The following PPP1R12A variants were observed in gnomAD, a reference collection of about 807,000 sequenced individuals.
The protein encoded by PPP1R12A is myosin binding subunit.
A neutral mutation model predicts 139.6 loss-of-function variants in PPP1R12A; 19 were observed. The ratio of observed to expected loss-of-function variants is 0.14; its 90% confidence interval spans 0.09 to 0.20. The LOEUF (loss-of-function observed/expected upper bound fraction) is 0.20, where lower values mean the gene tolerates loss of function less well. Ranked by LOEUF, PPP1R12A falls within the 10% of genes least tolerant of loss-of-function variation. The probability of loss-of-function intolerance (pLI) is 1.00; values close to 1 mark genes in which losing one functional copy is unlikely to be tolerated. For missense variants in PPP1R12A, 925 were observed against 1,211.5 expected (o/e 0.76, Z 3.51); for synonymous variants, 427 against 420.6 (o/e 1.02, Z -0.19).
At chr12:79,826,337 GTTTTTT>G (rs34658905) in intron 5 of PPP1R12A, among the ~76,000 whole-genome samples, 2 of 117,194 alleles carry the variant, frequency 1.7e-5, no homozygotes, top group African/African-American at 3.3e-5. Context: ...ATTGTTTCGG[GTTTTTT>G]TTTTTTTTTT....
At chr12:79,934,158 G>C (rs1252268820) in intron 1 of PPP1R12A, among the ~76,000 whole-genome samples, 1 of 152,100 alleles carries the variant, frequency 6.6e-6, no homozygotes, top group East Asian at 1.9e-4. Flanking sequence ...GAAATCGTTC[G>C]TTCAGGGCAC....
chr12:79,862,539 C>G (rs1233072796), intron 2 of PPP1R12A, among the ~76,000 whole-genome samples: 1 of 152,120 alleles, frequency 6.6e-6, no homozygotes, highest in Non-Finnish European at 1.5e-5. Flanking sequence ...AGAGCATGTT[C>G]TAACCCATAG....
chr12:79,911,403 A>G (rs1886550147), intron 1 of PPP1R12A, among the ~76,000 whole-genome samples: 2 of 152,312 alleles, frequency 1.3e-5, no homozygotes, highest in African/African-American at 2.4e-5. Flanking sequence ...ACAAAAACAC[A>G]TGGATACAAA....
chr12:79,804,794 C>T (rs552044856), intron 14 of PPP1R12A, among the ~76,000 whole-genome samples: 161 of 151,984 alleles, frequency 1.1e-3, no homozygotes, highest in Non-Finnish European at 1.8e-3. Flanking sequence ...AAGAACTGAA[C>T]TACTTTTCCT....
intron 1 of PPP1R12A, among the ~76,000 whole-genome samples, chr12:79,885,243 C>G (rs1410942597): frequency 1.3e-5 from 2 of 151,920 alleles, no homozygotes. Flanking sequence ...ACAGTCTCCT[C>G]CTGAAAATGA....
chr12:79,824,923 T>C (rs1876580812), intron 5 of PPP1R12A: 1 of 152,158 alleles, frequency 6.6e-6, no homozygotes, highest in African/African-American at 2.4e-5. Flanking sequence ...CTAGAGACAT[T>C]ATAAGTCTAA....
chr12:79,845,017 T>C (rs1258213787), intron 3 of PPP1R12A, among the ~76,000 whole-genome samples: 1 of 152,208 alleles, frequency 6.6e-6, no homozygotes, highest in Non-Finnish European at 1.5e-5. Context: ...CCCTGTGCAC[T>C]TTCTATCCCC....
intron 1 of PPP1R12A, among the ~76,000 whole-genome samples, chr12:79,879,599 G>C (rs1418419626): frequency 6.6e-6 from 1 of 152,078 alleles, no homozygotes; most frequent in African/African-American, 2.4e-5. Flanking sequence ...CAACATGAAT[G>C]AAATACATAA....
chr12:79,790,416 CA>C (rs1871695692), intron 20 of PPP1R12A, 50 bp downstream of exon 20: 4 of 1,175,448 alleles, frequency 3.4e-6, no homozygotes, highest in Admixed American at 3.0e-5. Flanking sequence ...ACATTTTTAA[CA>C]AAGATAAAAA....
At chr12:79,864,509 CAG>C (rs1278293918) in intron 2 of PPP1R12A, among the ~76,000 whole-genome samples, 1 of 151,698 alleles carries the variant, frequency 6.6e-6, no homozygotes, top group Non-Finnish European at 1.5e-5. Context: ...CTGAAGAAGA[CAG>C]AGACAGAAAA....
At chr12:79,890,105 G>A (rs1884453179) in intron 1 of PPP1R12A, among the ~76,000 whole-genome samples, 1 of 152,156 alleles carries the variant, frequency 6.6e-6, no homozygotes, top group Non-Finnish European at 1.5e-5. Flanking sequence ...AGAGACAGCA[G>A]TGTGGAAGAG....
intron 3 of PPP1R12A, among the ~76,000 whole-genome samples, chr12:79,833,438 C>T (rs1042168569): frequency 1.3e-5 from 2 of 152,106 alleles, no homozygotes; most frequent in East Asian, 1.9e-4. Context: ...ACAGCACACA[C>T]CGCAATGCAT....
At chr12:79,852,193 CTTTT>C (rs200453712) in intron 2 of PPP1R12A, among the ~76,000 whole-genome samples, 1 of 137,018 alleles carries the variant, frequency 7.3e-6, no homozygotes, top group Non-Finnish European at 1.6e-5. Flanking sequence ...CTTTTTCTTT[CTTTT>C]TTTTTTTTTT....
chr12:79,859,837 C>T (rs926917488), intron 2 of PPP1R12A, among the ~76,000 whole-genome samples: 2 of 152,130 alleles, frequency 1.3e-5, no homozygotes, highest in African/African-American at 4.8e-5. Flanking sequence ...TTGCTTAAGC[C>T]CAGGAAGTCC....
intron 8 of PPP1R12A, among the ~76,000 whole-genome samples, chr12:79,817,920 T>C (rs1167305176): frequency 2.6e-5 from 4 of 152,350 alleles, no homozygotes; most frequent in African/African-American, 7.2e-5. Flanking sequence ...AAACTGATGG[T>C]TCCTCTTTAA....
chr12:79,793,453 C>T (rs1169387042), intron 19 of PPP1R12A, among the ~76,000 whole-genome samples: 1 of 152,176 alleles, frequency 6.6e-6, no homozygotes, highest in Non-Finnish European at 1.5e-5. Flanking sequence ...AAATCTGAGC[C>T]TACTACTTCT....
chr12:79,824,878 T>C (rs1056147105), intron 5 of PPP1R12A: 1 of 152,106 alleles, frequency 6.6e-6, no homozygotes, highest in African/African-American at 2.4e-5. Context: ...TAAAAAAAAA[T>C]CAGTCCAATA....
chr12:79,876,986 G>A (rs928343105), intron 1 of PPP1R12A, among the ~76,000 whole-genome samples: 2 of 151,528 alleles, frequency 1.3e-5, no homozygotes, highest in Non-Finnish European at 2.9e-5. Context: ...ACTCCAGCCT[G>A]GGCAACAGAG....
intron 1 of PPP1R12A, among the ~76,000 whole-genome samples, chr12:79,902,063 C>T (rs1217114329): frequency 2.0e-5 from 3 of 152,110 alleles, no homozygotes; most frequent in Non-Finnish European, 4.4e-5. Context: ...GAAGAGACTA[C>T]AAAAGTCAGC....
Sources: allele counts gnomAD v4.1 joint callset (sites outside exome capture counted in the v4.1 genomes callset), GRCh38; gene constraint gnomAD v4.1.1; transcripts MANE v1.5; gene names NCBI Gene and HGNC (gene_info 2026-07-23, HGNC 2026-07-21).